TBXA2R: variants seen among roughly 807,000 people sequenced by gnomAD.
The protein encoded by TBXA2R is thromboxane A2 receptor.
TBXA2R carries 15 observed loss-of-function variants against 15.6 expected under a neutral mutation model. The observed-to-expected ratio is 0.96, with a 90% confidence interval of 0.64 to 1.48. The LOEUF (loss-of-function observed/expected upper bound fraction) is 1.48. TBXA2R is among the 40% of genes most tolerant of loss of function. TBXA2R has a pLI of 0.00. For synonymous variants in TBXA2R, 280 were observed against 241.2 expected (o/e 1.16, Z -1.49); for missense variants, 506 against 491.4 (o/e 1.03, Z -0.28).
chr19:3,598,514 T>C (rs996307732), intron 2 of TBXA2R, among the ~76,000 whole-genome samples: 6 of 147,416 alleles, frequency 4.1e-5, no homozygotes, highest in Non-Finnish European at 7.5e-5. Context: ...TCATGGTTAG[T>C]TAATTTTTTT....
At position 3,600,215 on chromosome 19, in the gene TBXA2R, G is replaced by A; in HGVS notation, c.420C>T (p.Arg140=). 1 of 1,606,184 alleles carries A rather than the reference G, an allele frequency of 6.2e-7. No homozygotes were observed. Among genetic ancestry groups the A allele is most frequent in the African/African-American group, 1.3e-5 (1 of 74,866 alleles). ...CGCGGCGCTGCGAGGCGACCGCCGG[G>A]CGCGAGAAGGGCCGGGTGATACCCA... ...RYLGITRPFS[R]PAVASQRRAW... The change falls in exon 2 of 3, where the codon CGC becomes CGT. Residue 140 remains arginine (R), a synonymous_variant. Coordinates refer to ENST00000375190, the MANE Select transcript of TBXA2R (RefSeq NM_001060.6).
intron 2 of TBXA2R, among the ~76,000 whole-genome samples, chr19:3,598,964 G>A (rs34376331): frequency 0.52 from 78,642 of 151,910 alleles, 20,977 homozygotes; most frequent in African/African-American, 0.55. Context: ...CACTACGCCC[G>A]GCCTGTTTTG....
chr19:3,603,031 A>C (rs59670236), intron 1 of TBXA2R, among the ~76,000 whole-genome samples: 1 of 130,232 alleles, frequency 7.7e-6, no homozygotes, highest in African/African-American at 2.7e-5. Context: ...GCGAGACTCC[A>C]TCTCAAAAAA....
At position 3,596,016 on chromosome 19, in the gene TBXA2R, A is replaced by G; in HGVS notation, c.787-83T>C. ...CCCTGCCCGGGGTCCCTTGAGATCC[A>G]GGGTCCACTCCGTTTTTTAATTTTA... is the stretch of plus-strand genomic sequence containing the variant. On this transcript the variant is annotated intron_variant, in intron 2 of 2. Transcript: ENST00000375190. The G allele has an allele frequency of 2.0e-6, 3 of 1,495,342 alleles. No homozygotes were observed. In the South Asian group the frequency reaches 3.6e-5, roughly 18 times the overall value. 92.6% of individuals were successfully genotyped at this position (1,495,342 alleles called of 1,614,324 possible).
chr19:3,604,222 T>C (rs2032788847), intron 1 of TBXA2R, among the ~76,000 whole-genome samples: 1 of 151,810 alleles, frequency 6.6e-6, no homozygotes, highest in Non-Finnish European at 1.5e-5. Context: ...GTTCCAGAAA[T>C]CTCTGTCTTA....
chr19:3,599,973 G>T lies in TBXA2R; in HGVS notation c.662C>A (p.Thr221Asn). 1 of 1,595,578 alleles carries T rather than the reference G, an allele frequency of 6.3e-7. No homozygotes were observed. The highest frequency in any genetic ancestry group is 2.3e-5 in the East Asian group (1 of 43,834). Reference protein sequence around the residue: ...SFLLNTVSVATLCHVYHGQEA... With the variant: ...SFLLNTVSVANLCHVYHGQEA... The stretch of plus-strand genomic sequence containing the variant: ...CTGCCCGTGGTAGACGTGGCACAGG[G>T]TGGCCACGCTGACCGTGTTCAGCAG... The change falls in exon 2 of 3, where the codon ACC becomes AAC. Residue 221 changes from threonine (T) to asparagine (N), a missense_variant. Physicochemically the swap from Thr to Asn is moderately conservative, Grantham distance 65. Coordinates refer to ENST00000375190, the MANE Select transcript of TBXA2R (RefSeq NM_001060.6).
Position 3,595,485 on chromosome 19 carries a change from C to G in TBXA2R, c.*203G>C, listed in dbSNP as rs998459585. 2.8e-6 allele frequency: 4 copies of G among 1,422,458 alleles called. No individual in the cohort carries two copies. Among genetic ancestry groups the G allele is most frequent in the African/African-American group, 2.9e-5 (2 of 69,492 alleles). 88.1% of individuals were successfully genotyped at this position (1,422,458 alleles called of 1,614,324 possible). A position where few individuals can be genotyped will look rare whatever the true frequency, so the allele number is the denominator to read the frequency against. On this transcript the variant is annotated 3_prime_UTR_variant, in exon 3 of 3. Transcript: ENST00000375190. ...GGAGCTCTGGATGGGAAAAAGGGGC[C>G]GAGGAAGGGAGAGTGCTTGGTAAAA...
intron 2 of TBXA2R, among the ~76,000 whole-genome samples, chr19:3,596,726 C>A (rs192691860): frequency 6.7e-6 from 1 of 149,946 alleles, no homozygotes; most frequent in Non-Finnish European, 1.5e-5. Context: ...GGACTACAGG[C>A]GCCCACCACC....
intron 1 of TBXA2R, 74 bp from the exon 2 acceptor site, chr19:3,600,791 C>A: frequency 3.0e-5 from 20 of 666,716 alleles, no homozygotes; most frequent in Non-Finnish European, 4.8e-5. Context: ...AACTCCTACA[C>A]AACCTTCAAT....
At chr19:3,605,685 T>C (rs956690512) in intron 1 of TBXA2R, among the ~76,000 whole-genome samples, 10 of 123,310 alleles carry the variant, frequency 8.1e-5, no homozygotes, top group South Asian at 2.6e-4. Flanking sequence ...AGAAACACAG[T>C]AGACAGACGC....
intron 1 of TBXA2R, among the ~76,000 whole-genome samples, chr19:3,604,568 G>A (rs1048700540): frequency 1.6e-4 from 22 of 138,604 alleles, no homozygotes; most frequent in East Asian, 1.0e-3. Flanking sequence ...TGCCCGCCCC[G>A]CCTGCCTGTC....
chr19:3,606,029 A>C (rs1232087912), intron 1 of TBXA2R, among the ~76,000 whole-genome samples: 1 of 152,186 alleles, frequency 6.6e-6, no homozygotes, highest in Non-Finnish European at 1.5e-5. Flanking sequence ...AAAGACACAC[A>C]GAAGAACACA....
At chr19:3,603,834 T>C (rs1312135220) in intron 1 of TBXA2R, among the ~76,000 whole-genome samples, 2 of 152,046 alleles carry the variant, frequency 1.3e-5, no homozygotes, top group Non-Finnish European at 2.9e-5. Context: ...CCATCTCAAG[T>C]TCTCCAGGCA....
At chr19:3,596,136 C>A (rs2032600252) in intron 2 of TBXA2R, among the ~76,000 whole-genome samples, 1 of 152,210 alleles carries the variant, frequency 6.6e-6, no homozygotes, top group African/African-American at 2.4e-5. Flanking sequence ...TCAAGCAATT[C>A]TCCTCCCTCA....
intron 1 of TBXA2R, among the ~76,000 whole-genome samples, chr19:3,603,642 T>C (rs567444827): frequency 2.6e-5 from 4 of 151,964 alleles, no homozygotes; most frequent in Non-Finnish European, 5.9e-5. Context: ...CACACTCCAC[T>C]CCACTCACCG....
intron 2 of TBXA2R, 145 bp downstream of exon 2, chr19:3,599,704 C>A (rs1269806958): frequency 9.7e-6 from 12 of 1,236,330 alleles, no homozygotes; most frequent in South Asian, 4.1e-5. Context: ...TGGCCTCAAG[C>A]GATCCTCCCG....
intron 1 of TBXA2R, among the ~76,000 whole-genome samples, chr19:3,604,588 GC>G (rs2032796542): frequency 6.6e-6 from 1 of 152,016 alleles, no homozygotes; most frequent in African/African-American, 2.4e-5. Flanking sequence ...CACGGCCTGA[GC>G]CCACCCCACC....
At chr19:3,598,731 T>A (rs1005092047) in intron 2 of TBXA2R, among the ~76,000 whole-genome samples, 1 of 150,608 alleles carries the variant, frequency 6.6e-6, no homozygotes, top group Non-Finnish European at 1.5e-5. Context: ...TGCAGTGACG[T>A]GATCTCGGCT....
intron 1 of TBXA2R, among the ~76,000 whole-genome samples, chr19:3,604,005 C>G (rs2032784381): frequency 6.6e-6 from 1 of 152,146 alleles, no homozygotes; most frequent in Admixed American, 6.5e-5. Context: ...GACCCAAGAT[C>G]GCTTTTCGAT....
Sources: allele counts gnomAD v4.1 joint callset (sites outside exome capture counted in the v4.1 genomes callset), GRCh38; gene constraint gnomAD v4.1.1; transcripts MANE v1.5; gene names NCBI Gene and HGNC (gene_info 2026-07-23, HGNC 2026-07-21).